Variants in GABRA2 observed in about 807,000 individuals in gnomAD.
The protein encoded by GABRA2 is gamma-aminobutyric acid receptor subunit alpha-2.
Under a neutral mutation model 48.7 loss-of-function variants are expected in GABRA2, and 16 were observed. That is an observed-to-expected ratio of 0.33 (90% CI 0.22 to 0.50). The LOEUF (loss-of-function observed/expected upper bound fraction) is 0.50, where lower values mean the gene tolerates loss of function less well. Among genes scored for constraint, GABRA2 ranks in the 20% least tolerant of loss-of-function variants. The pLI, the probability that GABRA2 is intolerant of heterozygous loss-of-function variation, is 0.98. For synonymous variants in GABRA2, 185 were observed against 184.5 expected (o/e 1.00, Z -0.02); for missense variants, 275 against 535.6 (o/e 0.51, Z 4.80).
chr4:46,330,591 T>TATAGAGAGAG lies in GABRA2; in HGVS notation c.255+2023_255+2024insCTCTCTCTAT, dbSNP rs1411755120. On this transcript the variant is annotated intron_variant, in intron 4 of 9. Coordinates refer to ENST00000381620, the MANE Select transcript of GABRA2 (RefSeq NM_000807.4). ...ATATATATATATATATATATATATATAGAGAGAGAGAGAGAGAGATGTTTT... is the reference window on the plus strand; with the variant it reads ...ATATATATATATATATATATATATATATAGAGAGAGAGAGAGAGAGAGAGAGAGATGTTTT... Among the ~76,000 whole-genome samples, 195 of 122,660 alleles carry TATAGAGAGAG rather than the reference T, an allele frequency of 1.6e-3. 3 individuals carry two copies. The highest frequency in any genetic ancestry group is 5.1e-3 in the African/African-American group (182 of 35,636). The allele number at this position is 122,660 out of a possible 152,430, so 80.5% of individuals were successfully genotyped here.
intron 3 of GABRA2, among the ~76,000 whole-genome samples, chr4:46,378,946 C>T (rs1044263778): frequency 6.6e-6 from 1 of 152,078 alleles, no homozygotes; most frequent in African/African-American, 2.4e-5. Flanking sequence ...TAATACATAC[C>T]AGCGCTGCCA....
chr4:46,377,760 G>A (rs1389332090), intron 3 of GABRA2, among the ~76,000 whole-genome samples: 11 of 134,806 alleles, frequency 8.2e-5, no homozygotes, highest in Admixed American at 3.6e-4. Context: ...CCGGCCAGCC[G>A]CCCCGTCCGG....
At position 46,389,890 on chromosome 4, in the gene GABRA2, G is replaced by A. The variant is rs1402726889; in HGVS notation, c.-166C>T. The A allele has an allele frequency of 4.1e-6, 4 of 984,806 alleles. No homozygotes were observed. The highest frequency in any genetic ancestry group is 4.8e-6 in the Non-Finnish European group (4 of 830,696). 61.0% of individuals were successfully genotyped at this position (984,806 alleles called of 1,614,324 possible). On this transcript the variant is annotated 5_prime_UTR_variant, in exon 1 of 10. Coordinates refer to ENST00000381620, the MANE Select transcript of GABRA2 (RefSeq NM_000807.4). ...GAGACTGCAGCAGCCAAGAGAGCGTGGAGCGATGGGCTGGTGGAAGCCGGA... is the reference window on the plus strand; with the variant it reads ...GAGACTGCAGCAGCCAAGAGAGCGTAGAGCGATGGGCTGGTGGAAGCCGGA...
At chr4:46,292,607 G>T (rs189539102) in intron 8 of GABRA2, among the ~76,000 whole-genome samples, 1 of 152,286 alleles carries the variant, frequency 6.6e-6, no homozygotes, top group East Asian at 1.9e-4. Flanking sequence ...TTGCAGCTCA[G>T]GGAGTTAAAA....
At chr4:46,349,379 CACTT>C (rs1308326103) in intron 3 of GABRA2, among the ~76,000 whole-genome samples, 32 of 151,812 alleles carry the variant, frequency 2.1e-4, no homozygotes, top group Non-Finnish European at 1.3e-4. Flanking sequence ...AATCCTATCA[CACTT>C]AAATATGAAA....
Position 46,373,918 on chromosome 4 carries a change from C to G in GABRA2, c.187+12156G>C, listed in dbSNP as rs77823941. 7.3e-3 allele frequency among the ~76,000 whole-genome samples: 1,114 copies of G among 152,298 alleles called. 12 individuals carry two copies. The highest frequency in any genetic ancestry group is 0.025 in the African/African-American group (1,033 of 41,552). On this transcript the variant is annotated intron_variant, in intron 3 of 9. Coordinates refer to ENST00000381620, the MANE Select transcript of GABRA2 (RefSeq NM_000807.4). ...TCTATCCTCCCATACTCCCCCCTAC[C>G]TGACCTGAACACCAGCCTTGCAATT...
chr4:46,275,511 AT>A (rs1720317834), intron 8 of GABRA2, among the ~76,000 whole-genome samples: 2 of 152,130 alleles, frequency 1.3e-5, no homozygotes, highest in South Asian at 4.1e-4. Flanking sequence ...GTGCCCCTCT[AT>A]AGAAGAGGTT....
At chr4:46,310,904 A>G (rs1038786146) in intron 5 of GABRA2, among the ~76,000 whole-genome samples, 5 of 152,182 alleles carry the variant, frequency 3.3e-5, no homozygotes, top group Non-Finnish European at 7.4e-5. Flanking sequence ...AGAAAATTTG[A>G]TATAATGCAA....
At chr4:46,370,674 G>A (rs1028925199) in intron 3 of GABRA2, among the ~76,000 whole-genome samples, 10 of 152,162 alleles carry the variant, frequency 6.6e-5, no homozygotes, top group Admixed American at 2.0e-4. Flanking sequence ...TTCATGCAAT[G>A]GGAGCACCTA....
intron 8 of GABRA2, among the ~76,000 whole-genome samples, chr4:46,265,483 A>G (rs1212436081): frequency 8.2e-5 from 7 of 85,626 alleles, no homozygotes; most frequent in Non-Finnish European, 1.3e-4. Flanking sequence ...TATTGTGTAT[A>G]TATTATATAT....
At chr4:46,304,479 G>A (rs968936287) in intron 7 of GABRA2, among the ~76,000 whole-genome samples, 1 of 151,342 alleles carries the variant, frequency 6.6e-6, no homozygotes, top group African/African-American at 2.4e-5. Context: ...TTGTTTTTTT[G>A]TCTTTTAATA....
intron 3 of GABRA2, among the ~76,000 whole-genome samples, chr4:46,374,100 C>T (rs1715335041): frequency 6.6e-6 from 1 of 152,070 alleles, no homozygotes; most frequent in Admixed American, 6.6e-5. Flanking sequence ...GTTCTATTTA[C>T]CCTGATTCTC....
chr4:46,292,971 G>A (rs1723955335), intron 8 of GABRA2, among the ~76,000 whole-genome samples: 1 of 152,158 alleles, frequency 6.6e-6, no homozygotes. Flanking sequence ...TGGATCCCAA[G>A]TTGGCAGGGG....
chr4:46,376,877 C>T (rs1232375629), intron 3 of GABRA2, among the ~76,000 whole-genome samples: 5 of 152,024 alleles, frequency 3.3e-5, no homozygotes, highest in Non-Finnish European at 5.9e-5. Context: ...CGACTGCCTG[C>T]GATTGCAGGC....
intron 8 of GABRA2, among the ~76,000 whole-genome samples, chr4:46,292,492 T>C (rs533534028): frequency 7.2e-5 from 11 of 152,282 alleles, no homozygotes; most frequent in Non-Finnish European, 1.3e-4. Context: ...CTGAGAACAC[T>C]GAGCTTGTAA....
intron 9 of GABRA2, among the ~76,000 whole-genome samples, chr4:46,251,103 GC>G (rs1451560405): frequency 2.0e-5 from 3 of 151,548 alleles, no homozygotes; most frequent in Admixed American, 1.3e-4. Context: ...TATGAAGATG[GC>G]AGTGCAACAA....
intron 8 of GABRA2, among the ~76,000 whole-genome samples, chr4:46,287,619 G>A (rs2109508189): frequency 7.7e-6 from 1 of 130,276 alleles, no homozygotes; most frequent in East Asian, 2.4e-4. Flanking sequence ...TCACACTCTG[G>A]GGACTGTTGT....
intron 9 of GABRA2, among the ~76,000 whole-genome samples, chr4:46,253,236 T>C (rs1715157987): frequency 6.6e-6 from 1 of 151,414 alleles, no homozygotes; most frequent in South Asian, 2.1e-4. Flanking sequence ...AATATTTTCT[T>C]GCCCCTCACT....
intron 4 of GABRA2, among the ~76,000 whole-genome samples, chr4:46,331,531 C>A (rs950195543): frequency 6.6e-6 from 1 of 152,188 alleles, no homozygotes; most frequent in Non-Finnish European, 1.5e-5. Flanking sequence ...ACCTTGTCAA[C>A]TTTCCCCCTG....
Sources: gnomAD v4.1 joint callset for allele counts (sites outside exome capture counted in the v4.1 genomes callset) on GRCh38, gnomAD v4.1.1 for gene constraint, MANE v1.5 for transcripts, NCBI Gene and HGNC (gene_info 2026-07-23, HGNC 2026-07-21) for gene names.